Variants in ANKIB1 observed in about 807,000 individuals in gnomAD.
The protein encoded by ANKIB1 is ankyrin repeat and IBR domain-containing protein 1.
In ANKIB1, 43 loss-of-function variants were observed where a neutral mutation model predicts 122.1. The observed-to-expected ratio is 0.35, with a 90% CI of 0.28 to 0.45. The LOEUF (loss-of-function observed/expected upper bound fraction) is 0.45, where lower values mean the gene tolerates loss of function less well. ANKIB1 is among the 20% of genes least tolerant of loss of function. The probability of loss-of-function intolerance (pLI) is 1.00; values close to 1 mark genes in which losing one functional copy is unlikely to be tolerated. For missense variants in ANKIB1, 992 were observed against 1,329.5 expected (o/e 0.75, Z 3.95); for synonymous variants, 390 against 442.0 (o/e 0.88, Z 1.48).
rs1161707105 is a variant in ANKIB1 at position 92,251,887 on chromosome 7, TC to T, written c.-91+5370del. Reference sequence around the variant, plus strand: ...TATCTCTTTATCTTCTGGCGCAGGATCCTATCCAGGAATACATGTTACAGTT... The same window carrying T: ...TATCTCTTTATCTTCTGGCGCAGGATCTATCCAGGAATACATGTTACAGTT... On this transcript the variant is annotated intron_variant, in intron 1 of 19. Transcript: ENST00000265742. Among the ~76,000 whole-genome samples, 30 of 152,354 alleles carry T rather than the reference TC, an allele frequency of 2.0e-4. No homozygotes were observed. The East Asian group carries it at 5.8e-3, about 29-fold the overall frequency.
At chr7:92,334,683 G>T (rs1252520611) in intron 5 of ANKIB1, among the ~76,000 whole-genome samples, 1 of 151,642 alleles carries the variant, frequency 6.6e-6, no homozygotes, top group Admixed American at 6.6e-5. Context: ...ATCCAATAGG[G>T]CACAGAGAAA....
intron 1 of ANKIB1, among the ~76,000 whole-genome samples, chr7:92,260,728 CT>C (rs1562763096): frequency 6.6e-6 from 1 of 151,280 alleles, no homozygotes; most frequent in Admixed American, 6.6e-5. Context: ...GCTGGCTACC[CT>C]TTTAGACATT....
At chr7:92,309,970 A>G (rs891344624) in intron 3 of ANKIB1, among the ~76,000 whole-genome samples, 5 of 140,536 alleles carry the variant, frequency 3.6e-5, no homozygotes, top group African/African-American at 1.4e-4. Context: ...TATAAATTAA[A>G]TGCTTTAATA....
chr7:92,371,564 C>T lies in ANKIB1; in HGVS notation c.1574C>T (p.Pro525Leu). ...AAGCCTTGTGCCAACTGTAAGTCTC[C>T]AATACAGAAGAATGAAGGCTGCAAT... Reference protein sequence around the residue: ...NSKPCANCKSPIQKNEGCNHM... With the variant: ...NSKPCANCKSLIQKNEGCNHM... The change falls in exon 11 of 20, where the codon CCA becomes CTA. Residue 525 changes from proline (P) to leucine (L), a missense_variant. By Grantham distance (98) the Pro-to-Leu change is moderately conservative. This residue lies in a region of ANKIB1 where 521 missense variants were observed against 777.7 expected (regional missense o/e 0.67). Transcript: ENST00000265742. The T allele has an allele frequency of 6.2e-7, 1 of 1,605,470 alleles. No individual in the cohort carries two copies.
chr7:92,278,589 T>C (rs550861737), intron 1 of ANKIB1, among the ~76,000 whole-genome samples: 1 of 152,326 alleles, frequency 6.6e-6, no homozygotes, highest in East Asian at 1.9e-4. Context: ...TCACCCAGAC[T>C]TTTTATCCCA....
intron 1 of ANKIB1, among the ~76,000 whole-genome samples, chr7:92,250,534 T>C (rs1016814292): frequency 6.6e-6 from 1 of 152,234 alleles, no homozygotes; most frequent in African/African-American, 2.4e-5. Flanking sequence ...TACCTTTTTT[T>C]CCCTCTAGTT....
chr7:92,339,501 A>G (rs1212649902), intron 5 of ANKIB1, among the ~76,000 whole-genome samples: 1 of 152,198 alleles, frequency 6.6e-6, no homozygotes, highest in Non-Finnish European at 1.5e-5. Flanking sequence ...TTCCTGGAAT[A>G]TTATCTACTT....
intron 1 of ANKIB1, among the ~76,000 whole-genome samples, chr7:92,269,803 A>T (rs2040498): frequency 0.28 from 42,405 of 150,260 alleles, 6,602 homozygotes; most frequent in Non-Finnish European, 0.35. Flanking sequence ...TTTTTTTTTT[A>T]AAAAAAATTA....
At chr7:92,297,760 T>G (rs926394813) in intron 2 of ANKIB1, among the ~76,000 whole-genome samples, 1 of 152,216 alleles carries the variant, frequency 6.6e-6, no homozygotes, top group Non-Finnish European at 1.5e-5. Flanking sequence ...TTGAGAAAGT[T>G]ATAATACCTT....
At chr7:92,377,421 A>G (rs1355367157) in intron 11 of ANKIB1, among the ~76,000 whole-genome samples, 1 of 152,234 alleles carries the variant, frequency 6.6e-6, no homozygotes. Flanking sequence ...ATCGTAGATC[A>G]CAACAGATAA....
intron 2 of ANKIB1, 84 bp downstream of exon 2, chr7:92,295,250 A>G (rs1802329787): frequency 9.8e-7 from 1 of 1,018,490 alleles, no homozygotes; most frequent in South Asian, 2.9e-5. Flanking sequence ...AGGAACTATG[A>G]TTTTTGAAAA....
chr7:92,355,846 C>T (rs1562791088), intron 9 of ANKIB1, among the ~76,000 whole-genome samples: 1 of 115,830 alleles, frequency 8.6e-6, no homozygotes, highest in East Asian at 2.7e-4. Flanking sequence ...GAGACTCCGT[C>T]TCATAATAAT....
chr7:92,261,209 C>T (rs903580757), intron 1 of ANKIB1, among the ~76,000 whole-genome samples: 5 of 151,450 alleles, frequency 3.3e-5, no homozygotes, highest in African/African-American at 4.9e-5. Context: ...ATTAGCCAGG[C>T]GTGGTAGCGG....
chr7:92,340,118 T>G (rs1803404963), intron 5 of ANKIB1, among the ~76,000 whole-genome samples: 1 of 152,180 alleles, frequency 6.6e-6, no homozygotes, highest in Admixed American at 6.6e-5. Context: ...AATGATGGCT[T>G]TGTTTGTCCC....
At chr7:92,256,180 T>C (rs1346383054) in intron 1 of ANKIB1, among the ~76,000 whole-genome samples, 1 of 152,180 alleles carries the variant, frequency 6.6e-6, no homozygotes, top group African/African-American at 2.4e-5. Flanking sequence ...GGAGACAACA[T>C]TCTAGGAGCT....
chr7:92,398,446 A>T lies in ANKIB1; in HGVS notation c.2767A>T (p.Met923Leu). The T allele has an allele frequency of 1.2e-6, 2 of 1,613,880 alleles. No homozygotes were observed. The highest frequency in any genetic ancestry group is 8.5e-7 in the Non-Finnish European group (1 of 1,179,836). The change falls in exon 20 of 20, where the codon ATG becomes TTG. Residue 923 changes from methionine (M) to leucine (L), a missense_variant. Physicochemically the swap from Met to Leu is conservative, Grantham distance 15. Transcript: ENST00000265742. ...SELLELGDSL[M>L]RLGAENDPFS... is the part of the protein sequence containing the mutation. ...GCTTTTGGAACTTGGTGACAGCCTC[A>T]TGAGACTAGGAGCAGAGAATGACCC...
intron 10 of ANKIB1, among the ~76,000 whole-genome samples, chr7:92,363,837 A>G (rs757587078): frequency 3.4e-4 from 52 of 152,256 alleles, no homozygotes; most frequent in Non-Finnish European, 5.9e-4. Context: ...CCCACGGAGA[A>G]GAGACTACCA....
chr7:92,397,067 C>A (rs1343215411), intron 18 of ANKIB1, among the ~76,000 whole-genome samples: 1 of 151,944 alleles, frequency 6.6e-6, no homozygotes, highest in Non-Finnish European at 1.5e-5. Context: ...TATTGTAATT[C>A]CCAAATTATT....
chr7:92,399,839 G>A lies in ANKIB1; in HGVS notation c.*890G>A, dbSNP rs564919915. 1.5e-4 allele frequency: 23 copies of A among 152,232 alleles called. No individual in the cohort carries two copies. The highest frequency in any genetic ancestry group is 5.3e-4 in the African/African-American group (22 of 41,540). The allele number at this position is 152,232 out of a possible 1,614,324, so 9.4% of individuals were successfully genotyped here. A position where few individuals can be genotyped will look rare whatever the true frequency, so the allele number is the denominator to read the frequency against. On this transcript the variant is annotated 3_prime_UTR_variant, in exon 20 of 20. Coordinates refer to ENST00000265742, the MANE Select transcript of ANKIB1 (RefSeq NM_019004.2). Reference sequence around the variant, plus strand: ...CTGTATTTTAAGAGACACTTTATTGGAAGTGCAATCATAGTTATTTGTTTT... The same window carrying A: ...CTGTATTTTAAGAGACACTTTATTGAAAGTGCAATCATAGTTATTTGTTTT...
Sources: allele counts gnomAD v4.1 joint callset (sites outside exome capture counted in the v4.1 genomes callset), GRCh38; gene constraint gnomAD v4.1.1; regional missense constraint gnomAD v4.1.1; transcripts MANE v1.5; gene names NCBI Gene and HGNC (gene_info 2026-07-23, HGNC 2026-07-21).